The following AEBP1 variants were observed in gnomAD, a reference collection of about 807,000 sequenced individuals.
AEBP1 encodes the protein adipocyte enhancer-binding protein 1.
In AEBP1, 69 loss-of-function variants were observed where a neutral mutation model predicts 116.5. That is an observed-to-expected ratio of 0.59 (90% CI 0.49 to 0.72). The LOEUF (loss-of-function observed/expected upper bound fraction) is 0.72, where lower values mean the gene tolerates loss of function less well. AEBP1 is among the 30% of genes least tolerant of loss of function. The probability of loss-of-function intolerance (pLI) is 0.00; values close to 1 mark genes in which losing one functional copy is unlikely to be tolerated. For missense variants in AEBP1, 1,444 were observed against 1,557.5 expected (o/e 0.93, Z 1.23); for synonymous variants, 627 against 627.3 (o/e 1.00, Z 0.01).
rs1330538915 is a variant in AEBP1, at chr7:44,113,709, C to T, written c.2925C>T (p.Ala975=). The T allele has an allele frequency of 1.2e-6, 2 of 1,613,968 alleles. No individual in the cohort carries two copies. Among genetic ancestry groups the T allele is most frequent in the Admixed American group, 1.7e-5 (1 of 59,994 alleles). The change falls in exon 21 of 21, where the codon GCC becomes GCT. Residue 975 remains alanine (A), a synonymous_variant. Coordinates refer to ENST00000223357, the MANE Select transcript of AEBP1 (RefSeq NM_001129.5). The surrounding 1 kb of genome is among the most constrained non-coding windows in gnomAD (Gnocchi z 5.3). ...GCAATGTTGACTATGACATCGGGGC[C>T]ACTCAGTGCAACTTCATCCTGGCTC... ...KTCNVDYDIG[A]TQCNFILARS...
Position 44,109,175 on chromosome 7 carries a change from G to A in AEBP1, c.1087G>A (p.Asp363Asn). The A allele has an allele frequency of 6.2e-7, 1 of 1,613,798 alleles. No homozygotes were observed. Among genetic ancestry groups the A allele is most frequent in the Non-Finnish European group, 8.5e-7 (1 of 1,180,012 alleles). The change falls in exon 8 of 21, where the codon GAC (aspartate) becomes AAC (asparagine). Residue 363 changes from aspartate (D) to asparagine (N), a missense_variant. By Grantham distance (23) the Asp-to-Asn change is conservative (BLOSUM62 1). Coordinates refer to ENST00000223357, the MANE Select transcript of AEBP1 (RefSeq NM_001129.5). ...CAAGTGGGCAGTGGAGAAGGGCAAG[G>A]ACCACAAAGGTGTGTGGCTGGGGCT... ...TDKWAVEKGK[D>N]HKEPRKGEEL... is the part of the protein sequence containing the mutation.
At position 44,112,108 on chromosome 7, in the gene AEBP1, G is replaced by C. The variant is rs759550341; in HGVS notation, c.2038-34G>C. 6.3e-7 allele frequency: 1 copy of C among 1,599,944 alleles called. No individual in the cohort carries two copies. The highest frequency in any genetic ancestry group is 1.3e-5 in the African/African-American group (1 of 74,824). On this transcript the variant is annotated intron_variant, in intron 16 of 20. Transcript: ENST00000223357. This position sits in a 1 kb window ranked among gnomAD's most constrained non-coding sequence, Gnocchi z 6.6. ...GGCAGCTGGGGGTTGTGGGGGTGTG[G>C]GTAGCCGATGCCTACCCTGCTGGCT...
Position 44,109,145 on chromosome 7 carries a change from A to AC in AEBP1, c.1059dup (p.Asp354ArgfsTer43). ...GGAGGACAGCAGCCCCAAGGAGGAG[A>AC]CCGACAAGTGGGCAGTGGAGAAGGG... On this transcript the variant is annotated frameshift_variant, in exon 8 of 21. Transcript: ENST00000223357. LOFTEE classifies it high-confidence loss of function. The AC allele has an allele frequency of 6.2e-7, 1 of 1,613,694 alleles. No individual in the cohort carries two copies. Among genetic ancestry groups the AC allele is most frequent in the East Asian group, 2.2e-5 (1 of 44,876 alleles).
At position 44,105,333 on chromosome 7, in the gene AEBP1, G is replaced by A. The variant is rs144244135; in HGVS notation, c.253+415G>A. On this transcript the variant is annotated intron_variant, in intron 1 of 20. Coordinates refer to ENST00000223357, the MANE Select transcript of AEBP1 (RefSeq NM_001129.5). ...CTCCTGCCTTTGCCCTCCTACTCCA[G>A]GAGGTCTCACGTAGGTGAGAGAGTT... 6.0e-4 allele frequency among the ~76,000 whole-genome samples: 91 copies of A among 152,322 alleles called. 1 individual carries two copies. The East Asian group carries it at 0.016, about 27-fold the overall frequency.
In AEBP1 at chr7:44,111,636, G is replaced by T. The variant is rs371344354; in HGVS notation, c.1840+6G>T. 4.3e-6 allele frequency: 7 copies of T among 1,611,074 alleles called. No homozygotes were observed. The highest frequency in any genetic ancestry group is 1.6e-4 in the Middle Eastern group (1 of 6,066). ...CCCTGGGGAGCATGAACTGGGTGAGGGTCTGTGGGGGCCAGCAGCTGGCCT... is the reference window on the plus strand; with the variant it reads ...CCCTGGGGAGCATGAACTGGGTGAGTGTCTGTGGGGGCCAGCAGCTGGCCT... On this transcript the variant is annotated splice_donor_region_variant and intron_variant, in intron 15 of 20. Transcript: ENST00000223357. The surrounding 1 kb of genome is among the most constrained non-coding windows in gnomAD (Gnocchi z 4.7).
Position 44,113,450 on chromosome 7 carries a change from G to C in AEBP1, c.2809+99G>C, listed in dbSNP as rs370069790. 8.4e-6 allele frequency: 12 copies of C among 1,429,090 alleles called. No individual in the cohort carries two copies. Among genetic ancestry groups the C allele is most frequent in the African/African-American group, 2.9e-5 (2 of 69,208 alleles). The allele number at this position is 1,429,090 out of a possible 1,614,324, so 88.5% of individuals were successfully genotyped here. Reference sequence around the variant, plus strand: ...TCAGCGAGCAGGTAGAGTCTGGGGAGCCTGGGGGCGAAATTCAGAGAGGGA... The same window carrying C: ...TCAGCGAGCAGGTAGAGTCTGGGGACCCTGGGGGCGAAATTCAGAGAGGGA... On this transcript the variant is annotated intron_variant, in intron 20 of 20. Coordinates refer to ENST00000223357, the MANE Select transcript of AEBP1 (RefSeq NM_001129.5). The surrounding 1 kb of genome is among the most constrained non-coding windows in gnomAD (Gnocchi z 5.3).
chr7:44,107,302 C>G lies in AEBP1; in HGVS notation c.596-137C>G. On this transcript the variant is annotated intron_variant, in intron 2 of 20. Transcript: ENST00000223357. The surrounding 1 kb of genome is among the most constrained non-coding windows in gnomAD (Gnocchi z 4.3). ...TGCTGAAGGCCAGAGGAGCTCAGGC[C>G]TCCTTGGAGTGAGCTCGGCCTCAGG... 2 of 824,428 alleles carry G rather than the reference C, an allele frequency of 2.4e-6. No homozygotes were observed. Among genetic ancestry groups the G allele is most frequent in the South Asian group, 3.2e-5 (2 of 62,364 alleles). The allele number at this position is 824,428 out of a possible 1,614,324, so 51.1% of individuals were successfully genotyped here.
rs575362804 is a variant in AEBP1 at position 44,104,692 on chromosome 7, G to T, written c.27G>T (p.Leu9=). 8 of 1,593,382 alleles carry T rather than the reference G, an allele frequency of 5.0e-6. No homozygotes were observed. In the South Asian group the frequency reaches 9.0e-5, roughly 18 times the overall value. The stretch of plus-strand genomic sequence containing the variant: ...TGGCGGCCGTGCGCGGGGCGCCCCT[G>T]CTCAGCTGCCTCCTGGCGTTGCTGG... MAAVRGAP[L]LSCLLALLAL... Residue 9 remains leucine (L), a synonymous_variant, in exon 1 of 21, where the codon CTG becomes CTT. Transcript: ENST00000223357.
At chr7:44,110,169 C>T (rs1020873664) in intron 10 of AEBP1, 38 bp from the exon 11 acceptor site, 9 of 1,613,276 alleles carry the variant, frequency 5.6e-6, no homozygotes, top group Non-Finnish European at 6.8e-6. Context: ...ATAAGGGACT[C>T]CTCCGCCCAT....
rs2096225429 is a variant in AEBP1, at chr7:44,108,521, C to T, written c.941-378C>T. On this transcript the variant is annotated intron_variant, in intron 6 of 20. Coordinates refer to ENST00000223357, the MANE Select transcript of AEBP1 (RefSeq NM_001129.5). This position sits in a 1 kb window ranked among gnomAD's most constrained non-coding sequence, Gnocchi z 5.0. ...GTTCCCTTTCCTCCTGGGTGGCAGC[C>T]CGTGCATCGCCATTTCCCTGCCCCC... is the stretch of plus-strand genomic sequence containing the variant. Among the ~76,000 whole-genome samples, 1 of 152,108 alleles carries T rather than the reference C, an allele frequency of 6.6e-6. No homozygotes were observed. The highest frequency in any genetic ancestry group is 1.5e-5 in the Non-Finnish European group (1 of 68,002).
At chr7:44,109,476 G>C in intron 9 of AEBP1, 135 bp downstream of exon 9, 1 of 1,141,210 alleles carries the variant, frequency 8.8e-7, no homozygotes, top group Non-Finnish European at 1.2e-6. Context: ...GACCCAGAAG[G>C]GAGGGGCCCC....
rs763809494 is a variant in AEBP1 at position 44,114,145 on chromosome 7, C to G, written c.3361C>G (p.Leu1121Val). 4 of 1,613,990 alleles carry G rather than the reference C, an allele frequency of 2.5e-6. No individual in the cohort carries two copies. Among genetic ancestry groups the G allele is most frequent in the African/African-American group, 1.3e-5 (1 of 75,018 alleles). The change falls in exon 21 of 21, where the codon CTG becomes GTG. Residue 1121 changes from leucine (L) to valine (V), a missense_variant. Physicochemically the swap from Leu to Val is conservative, Grantham distance 32. Transcript: ENST00000223357. ...TQLEPEFETQ[L>V]EPEFEEEEEE... ...GTTGGAGCCTGAGTTTGAGACCCAGCTGGAACCCGAGTTTGAGGAAGAGGA... is the reference window on the plus strand; with the variant it reads ...GTTGGAGCCTGAGTTTGAGACCCAGGTGGAACCCGAGTTTGAGGAAGAGGA...
At position 44,111,841 on chromosome 7, in the gene AEBP1, C is replaced by T; in HGVS notation, c.1841-13C>T. 1 of 1,609,554 alleles carries T rather than the reference C, an allele frequency of 6.2e-7. No homozygotes were observed. Among genetic ancestry groups the T allele is most frequent in the East Asian group, 2.2e-5 (1 of 44,670 alleles). On this transcript the variant is annotated splice_polypyrimidine_tract_variant and intron_variant, in intron 15 of 20. Coordinates refer to ENST00000223357, the MANE Select transcript of AEBP1 (RefSeq NM_001129.5). The surrounding 1 kb of genome is among the most constrained non-coding windows in gnomAD (Gnocchi z 4.7). The stretch of plus-strand genomic sequence containing the variant: ...GGGAGACTGAGTGCTCACTGAGGCT[C>T]CCGCCCTTGCAGGGGAGCCCGAGTT...
chr7:44,110,997 C>G lies in AEBP1; in HGVS notation c.1570C>G (p.Pro524Ala). 1 of 1,613,956 alleles carries G rather than the reference C, an allele frequency of 6.2e-7. No homozygotes were observed. Among genetic ancestry groups the G allele is most frequent in the Non-Finnish European group, 8.5e-7 (1 of 1,179,964 alleles). ...PVVARFIRIY[P>A]LTWNGSLCMR... ...GGTGGCTCGTTTCATCCGCATCTAC[C>G]CACTCACCTGGAATGGCAGCCTGTG... The change falls in exon 13 of 21, where the codon CCA becomes GCA. Residue 524 changes from proline to alanine, a missense_variant. Transcript: ENST00000223357.
At position 44,113,901 on chromosome 7, in the gene AEBP1, C is replaced by T. The variant is rs749382269; in HGVS notation, c.3117C>T (p.Asn1039=). 5 of 1,613,232 alleles carry T rather than the reference C, an allele frequency of 3.1e-6. No individual in the cohort carries two copies. The highest frequency in any genetic ancestry group is 2.2e-5 in the South Asian group (2 of 91,072). ...LRAQMRLRRL[N]ATTTLGPHTV... is the part of the protein sequence containing the mutation. ...CACAGATGCGGCTGCGGCGCCTCAA[C>T]GCCACCACCACCCTAGGCCCCCACA... is the stretch of plus-strand genomic sequence containing the variant. Residue 1039 remains asparagine (N), a synonymous_variant, in exon 21 of 21, where the codon AAC becomes AAT. Coordinates refer to ENST00000223357, the MANE Select transcript of AEBP1 (RefSeq NM_001129.5). This position sits in a 1 kb window ranked among gnomAD's most constrained non-coding sequence, Gnocchi z 5.3.
intron 1 of AEBP1, among the ~76,000 whole-genome samples, chr7:44,105,658 G>T (rs989322105): frequency 1.3e-5 from 2 of 151,736 alleles, no homozygotes; most frequent in African/African-American, 4.8e-5. Context: ...ACCCTGGGCT[G>T]CCTGTGCCCC....
intron 11 of AEBP1, 111 bp downstream of exon 11, chr7:44,110,457 G>A: frequency 6.6e-7 from 1 of 1,506,436 alleles, no homozygotes; most frequent in Non-Finnish European, 9.0e-7. Context: ...AGCCAAAGAA[G>A]GCCAAAAAGA....
Position 44,112,765 on chromosome 7 carries a change from C to G in AEBP1, c.2425C>G (p.His809Asp). Reference protein sequence around the residue: ...EVSEAQETPDHAIFRWLAISF... With the variant: ...EVSEAQETPDDAIFRWLAISF... ...CTCCGAGGCCCAGGAGACTCCAGAC[C>G]ACGCCATCTTCCGGTGGCTTGCCAT... The change falls in exon 18 of 21, where the codon CAC becomes GAC. Residue 809 changes from histidine to aspartate, a missense_variant. His to Asp is a moderately conservative substitution (Grantham distance 81). Coordinates refer to ENST00000223357, the MANE Select transcript of AEBP1 (RefSeq NM_001129.5). The surrounding 1 kb of genome is among the most constrained non-coding windows in gnomAD (Gnocchi z 6.6). 1 of 1,613,120 alleles carries G rather than the reference C, an allele frequency of 6.2e-7. No individual in the cohort carries two copies. The highest frequency in any genetic ancestry group is 1.1e-5 in the South Asian group (1 of 91,086).
chr7:44,113,556 G>C lies in AEBP1; in HGVS notation c.2810-38G>C. 1.3e-6 allele frequency: 2 copies of C among 1,560,142 alleles called. No homozygotes were observed. The highest frequency in any genetic ancestry group is 1.7e-6 in the Non-Finnish European group (2 of 1,158,258). On this transcript the variant is annotated intron_variant, in intron 20 of 20. Transcript: ENST00000223357. The surrounding 1 kb of genome is among the most constrained non-coding windows in gnomAD (Gnocchi z 5.3). ...GAGTGGGAGGGTGGGGGCCTGGGAG[G>C]GGCGCTCTGGGGCAGCCGGATCGTT... is the stretch of plus-strand genomic sequence containing the variant.
Sources: gnomAD v4.1 joint callset for allele counts (sites outside exome capture counted in the v4.1 genomes callset) on GRCh38, gnomAD v4.1.1 for gene constraint, Gnocchi (gnomAD v3.1) non-coding constraint, MANE v1.5 for transcripts, NCBI Gene and HGNC (gene_info 2026-07-23, HGNC 2026-07-21) for gene names.